ARHGAP11A: variants seen among roughly 807,000 people sequenced by gnomAD.
ARHGAP11A encodes the protein rho GTPase-activating protein 11A.
Under a neutral mutation model 60.5 loss-of-function variants are expected in ARHGAP11A, and 36 were observed. The observed-to-expected ratio is 0.59, with a 90% CI of 0.46 to 0.79. The LOEUF is 0.79. ARHGAP11A is among the 30% of genes least tolerant of loss of function. ARHGAP11A has a pLI of 0.00. For missense variants in ARHGAP11A, 1,071 were observed against 1,199.2 expected, an observed-to-expected ratio of 0.89 and a Z score of 1.58; for synonymous variants, 362 against 415.5, an observed-to-expected ratio of 0.87 and a Z score of 1.57.
In ARHGAP11A at chr15:32,635,789, G is replaced by C. The variant is rs751441411; in HGVS notation, c.1357G>C (p.Gly453Arg). 2 of 1,603,016 alleles carry C rather than the reference G, an allele frequency of 1.2e-6. No homozygotes were observed. The highest frequency in any genetic ancestry group is 2.3e-5 in the South Asian group (2 of 88,886). Reference protein sequence around the residue: ...KNGREVNGCSGVNRYESVGWR... With the variant: ...KNGREVNGCSRVNRYESVGWR... ...TTTTTCTGTACAGAATGGATGTTCT[G>C]GTGTCAATAGATATGAAAGTGTTGG... Residue 453 changes from glycine (G) to arginine (R), a missense_variant, in exon 11 of 12, where the codon GGT becomes CGT. Gly to Arg is a moderately radical substitution (Grantham distance 125). This residue lies in a region of ARHGAP11A where 776 missense variants were observed against 760.2 expected (regional missense o/e 1.02). Coordinates refer to ENST00000361627, the MANE Select transcript of ARHGAP11A (RefSeq NM_014783.6).
intron 7 of ARHGAP11A, 62 bp from the exon 8 acceptor site, chr15:32,629,533 G>C: frequency 7.1e-7 from 1 of 1,400,912 alleles, no homozygotes; most frequent in African/African-American, 1.4e-5. Flanking sequence ...ATTATGTAAA[G>C]CTTTTATATG....
chr15:32,621,955 A>C (rs1464941922), intron 2 of ARHGAP11A, among the ~76,000 whole-genome samples: 1 of 152,310 alleles, frequency 6.6e-6, no homozygotes, highest in Non-Finnish European at 1.5e-5. Flanking sequence ...TCTAGGTTTT[A>C]ATTGACATGT....
At chr15:32,635,718 T>C (rs1175425307) in intron 10 of ARHGAP11A, 59 bp from the exon 11 acceptor site, 5 of 1,219,258 alleles carry the variant, frequency 4.1e-6, no homozygotes, top group Non-Finnish European at 5.5e-6. Context: ...TTATTCTGTC[T>C]TTATATTTTG....
chr15:32,617,111 A>G (rs1259333099), intron 1 of ARHGAP11A, among the ~76,000 whole-genome samples: 1 of 152,208 alleles, frequency 6.6e-6, no homozygotes, highest in African/African-American at 2.4e-5. Context: ...AGCTGAATGT[A>G]AAGCATTTTA....
rs1391644386 is a variant in ARHGAP11A at position 32,637,640 on chromosome 15, G to A, written c.2867G>A (p.Gly956Asp). The A allele has an allele frequency of 1.9e-6, 3 of 1,613,938 alleles. No individual in the cohort carries two copies. The highest frequency in any genetic ancestry group is 2.5e-6 in the Non-Finnish European group (3 of 1,179,980). The stretch of plus-strand genomic sequence containing the variant: ...TATAAACAGAAGATCTTATCTGATG[G>A]CCAAGTTAAGGTTCCCTTGGATGAT... ...TVYKQKILSD[G>D]QVKVPLDDLT... The change falls in exon 12 of 12, where the codon GGC (glycine) becomes GAC (aspartate). Residue 956 changes from glycine (G) to aspartate (D), a missense_variant. Gly to Asp is a moderately conservative substitution (Grantham distance 94). Around this residue, in one of 4 missense-constraint regions of ARHGAP11A, gnomAD observed 776 missense variants for 760.2 expected, o/e 1.02. Coordinates refer to ENST00000361627, the MANE Select transcript of ARHGAP11A (RefSeq NM_014783.6).
Position 32,620,094 on chromosome 15 carries a change from A to C in ARHGAP11A, c.130-14A>C. Reference sequence around the variant, plus strand: ...CTAATATTTGTGTTAGAGTAACTGAATTTGTCATTTTAGGGTAAAATATTT... The same window carrying C: ...CTAATATTTGTGTTAGAGTAACTGACTTTGTCATTTTAGGGTAAAATATTT... On this transcript the variant is annotated splice_polypyrimidine_tract_variant and intron_variant, in intron 1 of 11. Coordinates refer to ENST00000361627, the MANE Select transcript of ARHGAP11A (RefSeq NM_014783.6). The C allele has an allele frequency of 1.3e-6, 2 of 1,592,150 alleles. No homozygotes were observed. The highest frequency in any genetic ancestry group is 1.7e-6 in the Non-Finnish European group (2 of 1,168,944).
intron 6 of ARHGAP11A, among the ~76,000 whole-genome samples, chr15:32,626,270 T>C (rs1158152918): frequency 6.6e-6 from 1 of 151,222 alleles, no homozygotes; most frequent in Non-Finnish European, 1.5e-5. Context: ...AGGCATCAGA[T>C]TATTGTTTGA....
At chr15:32,630,180 G>A (rs938165187) in intron 8 of ARHGAP11A, among the ~76,000 whole-genome samples, 1 of 89,134 alleles carries the variant, frequency 1.1e-5, no homozygotes, top group African/African-American at 5.1e-5. Flanking sequence ...AAGTGGGAGC[G>A]TTACTATTGC....
chr15:32,616,217 G>C lies in ARHGAP11A; in HGVS notation c.6G>C (p.Trp2Cys). The C allele has an allele frequency of 1.9e-6, 3 of 1,614,136 alleles. No individual in the cohort carries two copies. The South Asian group carries it at 3.3e-5, about 18-fold the overall frequency. ...GAGTTATCGACGTATCCGGAATGTG[G>C]GATCAGAGGCTGGTGAGGTTGGCCC... M[W>C]DQRLVRLALL... Residue 2 changes from tryptophan to cysteine, a missense_variant, in exon 1 of 12, where the codon TGG becomes TGC. By Grantham distance (215) the Trp-to-Cys change is radical. This residue lies in a region of ARHGAP11A where 28 missense variants were observed against 24.5 expected (regional missense o/e 1.14). Coordinates refer to ENST00000361627, the MANE Select transcript of ARHGAP11A (RefSeq NM_014783.6).
intron 2 of ARHGAP11A, among the ~76,000 whole-genome samples, chr15:32,623,223 C>T (rs1266305752): frequency 4.6e-5 from 7 of 151,534 alleles, no homozygotes; most frequent in Non-Finnish European, 4.4e-5. Flanking sequence ...ACAAGTCTTA[C>T]GCTCTGAAGG....
intron 8 of ARHGAP11A, among the ~76,000 whole-genome samples, chr15:32,631,291 A>G (rs562990410): frequency 1.8e-5 from 2 of 112,358 alleles, no homozygotes; most frequent in Admixed American, 2.2e-4. Context: ...TCTATTCATA[A>G]TTGTCTCTTT....
intron 6 of ARHGAP11A, among the ~76,000 whole-genome samples, chr15:32,626,529 G>A (rs2053461035): frequency 6.6e-6 from 1 of 152,006 alleles, no homozygotes; most frequent in Non-Finnish European, 1.5e-5. Flanking sequence ...TGGTTTATTT[G>A]TTATTGCATA....
chr15:32,617,200 T>A (rs2053174604), intron 1 of ARHGAP11A, among the ~76,000 whole-genome samples: 1 of 152,174 alleles, frequency 6.6e-6, no homozygotes, highest in African/African-American at 2.4e-5. Context: ...TACGTTGCTT[T>A]TAATAGTTTA....
chr15:32,634,488 G>T lies in ARHGAP11A; in HGVS notation c.1344+447G>T, dbSNP rs539794354. On this transcript the variant is annotated intron_variant, in intron 10 of 11. Transcript: ENST00000361627. ...GGATTTTTGGAGCATCCAGAACTTT[G>T]GCTTTTCAGATTTGGAATGCCCAAC... Among the ~76,000 whole-genome samples the T allele has an allele frequency of 3.3e-5, 5 of 152,206 alleles. No homozygotes were observed. In the South Asian group the frequency reaches 1.0e-3, roughly 32 times the overall value.
intron 1 of ARHGAP11A, among the ~76,000 whole-genome samples, chr15:32,618,758 A>ACCCCCCCCCCC (rs57091917): frequency 6.1e-3 from 719 of 117,510 alleles, no homozygotes; most frequent in Non-Finnish European, 8.4e-3. Context: ...ACACGGTGAA[A>ACCCCCCCCCCC]CCCCCCCCCC....
chr15:32,634,882 A>G (rs375547681), intron 10 of ARHGAP11A, among the ~76,000 whole-genome samples: 3 of 152,256 alleles, frequency 2.0e-5, no homozygotes, highest in African/African-American at 7.2e-5. Context: ...AGTTCTCACT[A>G]TTACTACTTT....
At chr15:32,630,737 A>G (rs1335846467) in intron 8 of ARHGAP11A, among the ~76,000 whole-genome samples, 3 of 152,194 alleles carry the variant, frequency 2.0e-5, no homozygotes, top group Non-Finnish European at 4.4e-5. Flanking sequence ...TTTTCCAGAA[A>G]AAAACACTTC....
chr15:32,633,216 T>A (rs1307170791), intron 9 of ARHGAP11A, 108 bp downstream of exon 9: 2 of 1,261,794 alleles, frequency 1.6e-6, no homozygotes, highest in African/African-American at 3.0e-5. Context: ...TCATAATTTT[T>A]TAAAATCCCT....
intron 8 of ARHGAP11A, among the ~76,000 whole-genome samples, chr15:32,630,752 C>A (rs1167417905): frequency 6.6e-6 from 1 of 152,194 alleles, no homozygotes; most frequent in Non-Finnish European, 1.5e-5. Context: ...CACTTCTTCA[C>A]AGGTTCTCTA....
Sources: allele counts gnomAD v4.1 joint callset (sites outside exome capture counted in the v4.1 genomes callset), GRCh38; gene constraint gnomAD v4.1.1; regional missense constraint gnomAD v4.1.1; transcripts MANE v1.5; gene names NCBI Gene and HGNC (gene_info 2026-07-23, HGNC 2026-07-21).